The following DSC3 variants were observed in gnomAD, a reference collection of about 807,000 sequenced individuals.
The protein encoded by DSC3 is desmocollin-3.
A neutral mutation model predicts 89.5 loss-of-function variants in DSC3; 97 were observed. The observed-to-expected ratio is 1.08, with a 90% CI of 0.92 to 1.28. The LOEUF is 1.28. Ranked by LOEUF, DSC3 falls within the 50% of genes most tolerant of loss-of-function variation. The pLI is 0.00. For synonymous variants in DSC3, 436 were observed against 384.1 expected, an observed-to-expected ratio of 1.14 and a Z score of -1.58; for missense variants, 1,199 against 1,085.3, an observed-to-expected ratio of 1.10 and a Z score of -1.47.
rs73952546 is a variant in DSC3 at position 30,995,109 on chromosome 18, A to G, written c.2494-737T>C. Among the ~76,000 whole-genome samples the G allele has an allele frequency of 7.7e-3, 1,175 of 152,308 alleles. 19 individuals are homozygous for G. The highest frequency in any genetic ancestry group is 0.027 in the African/African-American group (1,126 of 41,556). The stretch of plus-strand genomic sequence containing the variant: ...ATGAAGACGCCATGCATTCAGCCAC[A>G]TCTACCCTCTCTGCCACTGGCCTGT... On this transcript the variant is annotated intron_variant, in intron 15 of 15. Coordinates refer to ENST00000360428, the MANE Select transcript of DSC3 (RefSeq NM_001941.5).
chr18:31,034,746 C>A (rs1225588688), intron 1 of DSC3, among the ~76,000 whole-genome samples: 1 of 152,004 alleles, frequency 6.6e-6, no homozygotes, highest in Non-Finnish European at 1.5e-5. Context: ...ACATACTGTA[C>A]GATTTCGTTT....
At chr18:31,000,445 G>T (rs12373365) in intron 14 of DSC3, among the ~76,000 whole-genome samples, 39,073 of 151,290 alleles carry the variant, frequency 0.26, 5,474 homozygotes, top group East Asian at 0.6. Flanking sequence ...GCTTCACGCT[G>T]CTTGATTATA....
At chr18:31,040,559 G>C (rs1195177336) in intron 1 of DSC3, among the ~76,000 whole-genome samples, 1 of 152,018 alleles carries the variant, frequency 6.6e-6, no homozygotes, top group African/African-American at 2.4e-5. Context: ...AGTGTGGTGG[G>C]GCACACGGTG....
rs1984310511 is a variant in DSC3 at position 30,992,685 on chromosome 18, C to T, written c.*1490G>A. The T allele has an allele frequency of 6.6e-6, 1 of 152,258 alleles. No homozygotes were observed. Among genetic ancestry groups the T allele is most frequent in the Non-Finnish European group, 1.5e-5 (1 of 68,052 alleles). The allele number at this position is 152,258 out of a possible 1,614,324, so 9.4% of individuals were successfully genotyped here. On this transcript the variant is annotated 3_prime_UTR_variant, in exon 16 of 16. Coordinates refer to ENST00000360428, the MANE Select transcript of DSC3 (RefSeq NM_001941.5). Reference sequence around the variant, plus strand: ...GGGCTGCTTTCTCCCAAAGTTCCCTCTGTTCTAAAATGACAACTTGATCTT... The same window carrying T: ...GGGCTGCTTTCTCCCAAAGTTCCCTTTGTTCTAAAATGACAACTTGATCTT...
At chr18:31,036,762 C>A (rs1985981544) in intron 1 of DSC3, among the ~76,000 whole-genome samples, 1 of 143,468 alleles carries the variant, frequency 7.0e-6, no homozygotes, top group Non-Finnish European at 1.5e-5. Context: ...TTCTCACTTA[C>A]TTATGAATTA....
intron 9 of DSC3, 23 bp downstream of exon 9, chr18:31,018,048 T>A (rs1412555665): frequency 6.3e-7 from 1 of 1,597,336 alleles, no homozygotes. Flanking sequence ...ATTTGCTAAG[T>A]TGTCAATTAT....
At chr18:31,042,344 C>A (rs757118016) in intron 1 of DSC3, among the ~76,000 whole-genome samples, 1 of 152,202 alleles carries the variant, frequency 6.6e-6, no homozygotes, top group Non-Finnish European at 1.5e-5. Flanking sequence ...AGCCTGAGCG[C>A]GACTCAGAAT....
chr18:31,029,431 G>A, intron 4 of DSC3, 78 bp downstream of exon 4: 1 of 1,546,806 alleles, frequency 6.5e-7, no homozygotes, highest in Non-Finnish European at 8.9e-7. Context: ...ATTTTTATAT[G>A]TTTAAAGAGG....
chr18:30,995,996 A>AAAAAAAAAAAAAGAAAG (rs1555631968), intron 15 of DSC3, among the ~76,000 whole-genome samples: 5 of 136,480 alleles, frequency 3.7e-5, no homozygotes, highest in African/African-American at 1.2e-4. Context: ...AAAAAAAAAA[A>AAAAAAAAAAAAAGAAAG]AAAGAAAAGA....
chr18:31,012,373 G>A (rs1032539856), intron 9 of DSC3, among the ~76,000 whole-genome samples: 4 of 152,154 alleles, frequency 2.6e-5, no homozygotes, highest in African/African-American at 4.8e-5. Flanking sequence ...GAAAAGAGGC[G>A]ACATAAGAGA....
chr18:31,026,086 A>G (rs548423392), intron 4 of DSC3, among the ~76,000 whole-genome samples, 171 bp from the exon 5 acceptor site: 2 of 152,276 alleles, frequency 1.3e-5, no homozygotes, highest in East Asian at 3.9e-4. Flanking sequence ...GGATTCTCAC[A>G]GGAAGAAGGG....
rs1399039548 is a variant in DSC3 at position 31,006,954 on chromosome 18, T to C, written c.1841A>G (p.Asn614Ser). ...HGAPFYFSLP[N>S]TSPEISRLWS... ...CAGTCTACTGATTTCTGGAGAAGTA[T>C]TGGGCAAACTGAAATAAAATGGAGC... Residue 614 changes from asparagine (N) to serine (S), a missense_variant, in exon 12 of 16, where the codon AAT becomes AGT. Transcript: ENST00000360428. 2.5e-6 allele frequency: 4 copies of C among 1,613,842 alleles called. No individual in the cohort carries two copies. The highest frequency in any genetic ancestry group is 2.2e-5 in the East Asian group (1 of 44,842).
chr18:30,991,138 T>A lies in DSC3; in HGVS notation c.*3037A>T, dbSNP rs1249177904. On this transcript the variant is annotated 3_prime_UTR_variant, in exon 16 of 16. Transcript: ENST00000360428. ...TTTACGCATCCAATTTTTGCTTATTTTAAGCAGCCAAGTTTCTTTAAAAGC... is the reference window on the plus strand; with the variant it reads ...TTTACGCATCCAATTTTTGCTTATTATAAGCAGCCAAGTTTCTTTAAAAGC... 6.6e-6 allele frequency: 1 copy of A among 152,644 alleles called. No homozygotes were observed. The highest frequency in any genetic ancestry group is 1.5e-5 in the Non-Finnish European group (1 of 68,040). 9.5% of individuals were successfully genotyped at this position (152,644 alleles called of 1,614,324 possible). A position where few individuals can be genotyped will look rare whatever the true frequency, so the allele number is the denominator to read the frequency against.
chr18:31,032,264 C>A lies in DSC3; in HGVS notation c.82G>T (p.Ala28Ser). 1.2e-6 allele frequency: 2 copies of A among 1,612,072 alleles called. No homozygotes were observed. The highest frequency in any genetic ancestry group is 1.7e-6 in the Non-Finnish European group (2 of 1,178,256). ...ATCACCTTTTTGCAGGCTTCACCAGCACGACTGAAGATCTAGAATTTAAAA... is the reference window on the plus strand; with the variant it reads ...ATCACCTTTTTGCAGGCTTCACCAGAACGACTGAAGATCTAGAATTTAAAA... ...LLLTLVIFSRAGEACKKVILN... is the reference protein window; with the variant it reads ...LLLTLVIFSRSGEACKKVILN... The change falls in exon 2 of 16, where the codon GCT becomes TCT. Residue 28 changes from alanine (A) to serine (S), a missense_variant. Physicochemically the swap from Ala to Ser is moderately conservative, Grantham distance 99. Transcript: ENST00000360428.
chr18:31,040,994 A>T (rs947209807), intron 1 of DSC3, among the ~76,000 whole-genome samples: 2 of 123,514 alleles, frequency 1.6e-5, no homozygotes, highest in Non-Finnish European at 3.3e-5. Context: ...AACTCAACGG[A>T]ATTATTTTAA....
Position 31,001,089 on chromosome 18 carries a change from G to GTGTATATATA in DSC3, c.2235+528_2235+529insTATATATACA, listed in dbSNP as rs141615987. Among the ~76,000 whole-genome samples, 77 of 126,030 alleles carry GTGTATATATA rather than the reference G, an allele frequency of 6.1e-4. 1 individual carries two copies. Among genetic ancestry groups the GTGTATATATA allele is most frequent in the Middle Eastern group, 4.1e-3 (1 of 242 alleles). The allele number at this position is 126,030 out of a possible 152,430, so 82.7% of individuals were successfully genotyped here. ...GTGTTTATATATACTTTGTGTGTGTGTATATATATATATATATATATATAC... is the reference window on the plus strand; with the variant it reads ...GTGTTTATATATACTTTGTGTGTGTGTGTATATATATATATATATATATATATATATATAC... On this transcript the variant is annotated intron_variant, in intron 14 of 15. Coordinates refer to ENST00000360428, the MANE Select transcript of DSC3 (RefSeq NM_001941.5).
chr18:31,024,437 T>C lies in DSC3; in HGVS notation c.687A>G (p.Leu229=). ...CATTTTCATCCTCTACCCTGATGGG[T>C]AGTGGGAGGGGCAGATCTGCTGAAT... The part of the protein sequence containing the change: ...DGYSADLPLP[L]PIRVEDENDN... Residue 229 remains leucine (L), a synonymous_variant, in exon 6 of 16, where the codon CTA becomes CTG. Transcript: ENST00000360428. The C allele has an allele frequency of 6.2e-7, 1 of 1,612,434 alleles. No individual in the cohort carries two copies.
chr18:31,000,988 A>T (rs1194057454), intron 14 of DSC3, among the ~76,000 whole-genome samples: 1 of 149,994 alleles, frequency 6.7e-6, no homozygotes, highest in Admixed American at 6.7e-5. Flanking sequence ...ATATATATAT[A>T]TTTTGTGTAC....
At chr18:31,026,270 A>G (rs1390642190) in intron 4 of DSC3, among the ~76,000 whole-genome samples, 3 of 149,706 alleles carry the variant, frequency 2.0e-5, no homozygotes, top group Non-Finnish European at 4.5e-5. Flanking sequence ...TGATTGGAGT[A>G]GAAAAAGCAT....
Sources: allele counts gnomAD v4.1 joint callset (sites outside exome capture counted in the v4.1 genomes callset), GRCh38; gene constraint gnomAD v4.1.1; transcripts MANE v1.5; gene names NCBI Gene and HGNC (gene_info 2026-07-23, HGNC 2026-07-21).